SIPA1L2: variants seen among roughly 807,000 people sequenced by gnomAD.
The protein encoded by SIPA1L2 is signal-induced proliferation-associated 1-like protein 2.
In SIPA1L2, 56 loss-of-function variants were observed where a neutral mutation model predicts 163.9. That is an observed-to-expected ratio of 0.34 (90% CI 0.28 to 0.43). The LOEUF (loss-of-function observed/expected upper bound fraction) is 0.43, where lower values mean the gene tolerates loss of function less well. Among genes scored for constraint, SIPA1L2 ranks in the 20% least tolerant of loss-of-function variants. The probability of loss-of-function intolerance (pLI) is 1.00; values close to 1 mark genes in which losing one functional copy is unlikely to be tolerated. For missense variants in SIPA1L2, 1,974 were observed against 2,193.5 expected (o/e 0.90, Z 2.00); for synonymous variants, 877 against 865.7 (o/e 1.01, Z -0.23).
intron 3 of SIPA1L2, among the ~76,000 whole-genome samples, chr1:232,499,222 C>T (rs368808027): frequency 5.0e-4 from 76 of 152,194 alleles, no homozygotes; most frequent in African/African-American, 1.8e-3. Context: ...AAGCTAAAAA[C>T]GATTACGCTT....
chr1:232,583,467 CAGCCTGA>C lies in SIPA1L2; in HGVS notation c.-318-9252_-318-9246del, dbSNP rs1660491563. Among the ~76,000 whole-genome samples, 4 of 152,180 alleles carry C rather than the reference CAGCCTGA, an allele frequency of 2.6e-5. No homozygotes were observed. In the South Asian group the frequency reaches 8.3e-4, roughly 31 times the overall value. On this transcript the variant is annotated intron_variant, in intron 1 of 22. Transcript: ENST00000674635. The stretch of plus-strand genomic sequence containing the variant: ...TTATCTTAAGAGTTGAATAGTGATA[CAGCCTGA>C]AGACCATCCATGGTCAAATGGAGCA...
intron 4 of SIPA1L2, 115 bp downstream of exon 4, chr1:232,493,412 A>C: frequency 3.1e-6 from 4 of 1,291,012 alleles, no homozygotes; most frequent in Non-Finnish European, 4.3e-6. Context: ...TAAATGTTGC[A>C]ATCATTAACA....
At chr1:232,524,328 CA>C (rs1356095512) in intron 2 of SIPA1L2, among the ~76,000 whole-genome samples, 2 of 152,234 alleles carry the variant, frequency 1.3e-5, no homozygotes, top group African/African-American at 2.4e-5. Context: ...AAGCAAGTTA[CA>C]AAAGTCCATG....
At chr1:232,525,026 T>C (rs552831251) in intron 2 of SIPA1L2, among the ~76,000 whole-genome samples, 23 of 152,290 alleles carry the variant, frequency 1.5e-4, no homozygotes, top group African/African-American at 4.3e-4. Flanking sequence ...GAACATATAA[T>C]ATTCTTCCTT....
intron 2 of SIPA1L2, among the ~76,000 whole-genome samples, chr1:232,540,859 A>G (rs1227962283): frequency 6.6e-6 from 1 of 152,246 alleles, no homozygotes; most frequent in African/African-American, 2.4e-5. Flanking sequence ...CTATTAACTT[A>G]CAGAACACTC....
rs570820924 is a variant in SIPA1L2, at chr1:232,399,062, CAT to C, written c.*63_*64del. ...TGGTTGAAAGCACACAGAAAAACCACATGTTTGTGACTTCAAAGGGACAAGGG... is the reference window on the plus strand; with the variant it reads ...TGGTTGAAAGCACACAGAAAAACCACGTTTGTGACTTCAAAGGGACAAGGG... On this transcript the variant is annotated 3_prime_UTR_variant, in exon 23 of 23. Coordinates refer to ENST00000674635, the MANE Select transcript of SIPA1L2 (RefSeq NM_020808.5). The C allele has an allele frequency of 1.1e-3, 1,734 of 1,604,676 alleles. 13 individuals are homozygous for C. The highest frequency in any genetic ancestry group is 9.0e-3 in the South Asian group (815 of 90,096).
intron 1 of SIPA1L2, among the ~76,000 whole-genome samples, chr1:232,623,063 G>A (rs950598825): frequency 6.6e-6 from 1 of 152,186 alleles, no homozygotes; most frequent in African/African-American, 2.4e-5. Flanking sequence ...AGGATGGGTG[G>A]GGGTGGATGG....
intron 1 of SIPA1L2, among the ~76,000 whole-genome samples, chr1:232,606,905 C>T (rs1007933059): frequency 1.3e-5 from 2 of 151,838 alleles, no homozygotes; most frequent in Non-Finnish European, 2.9e-5. Context: ...ATCTAATAAA[C>T]ATTTGCTAAT....
intron 9 of SIPA1L2, among the ~76,000 whole-genome samples, chr1:232,462,881 C>A (rs935011477): frequency 6.6e-6 from 1 of 152,164 alleles, no homozygotes; most frequent in Non-Finnish European, 1.5e-5. Context: ...ACCTCCCCTA[C>A]TTTGTCTTTT....
chr1:232,563,955 T>TTTGTGTGTG lies in SIPA1L2; in HGVS notation c.-270+10218_-270+10219insCACACACAA, dbSNP rs1558270699. Among the ~76,000 whole-genome samples the TTTGTGTGTG allele has an allele frequency of 3.7e-3, 434 of 116,752 alleles. 15 individuals are homozygous for TTTGTGTGTG. Among genetic ancestry groups the TTTGTGTGTG allele is most frequent in the African/African-American group, 0.016 (413 of 25,154 alleles). 76.6% of individuals were successfully genotyped at this position (116,752 alleles called of 152,430 possible). On this transcript the variant is annotated intron_variant, in intron 2 of 22. Coordinates refer to ENST00000674635, the MANE Select transcript of SIPA1L2 (RefSeq NM_020808.5). ...AACGACAAAGGTTTGTTTTTTTTTT[T>TTTGTGTGTG]CGTGTGTGTGTGTGTGTGTGTGTGT...
chr1:232,576,470 C>G (rs570547761), intron 1 of SIPA1L2, among the ~76,000 whole-genome samples: 3 of 151,374 alleles, frequency 2.0e-5, no homozygotes, highest in Non-Finnish European at 4.4e-5. Context: ...ATGGCTCCAC[C>G]GACCAGCCTC....
intron 2 of SIPA1L2, among the ~76,000 whole-genome samples, chr1:232,561,231 C>T (rs536582056): frequency 6.6e-6 from 1 of 152,316 alleles, no homozygotes; most frequent in African/African-American, 2.4e-5. Flanking sequence ...CAACTATCTT[C>T]CCAACTCCTT....
At chr1:232,628,187 T>C (rs551292470) in intron 1 of SIPA1L2, among the ~76,000 whole-genome samples, 14 of 152,300 alleles carry the variant, frequency 9.2e-5, no homozygotes, top group African/African-American at 1.9e-4. Flanking sequence ...CTACGGGCTA[T>C]TGTGCTTGTC....
chr1:232,629,536 C>G (rs926183711), intron 1 of SIPA1L2, among the ~76,000 whole-genome samples: 2 of 152,216 alleles, frequency 1.3e-5, no homozygotes, highest in Non-Finnish European at 2.9e-5. Flanking sequence ...GAGCGTTAGT[C>G]AGAGCGAAGT....
intron 17 of SIPA1L2, among the ~76,000 whole-genome samples, chr1:232,427,879 T>C (rs12032811): frequency 0.066 from 9,974 of 152,192 alleles, 805 homozygotes; most frequent in East Asian, 0.41. Flanking sequence ...TAACTCCAGT[T>C]CAGTTCTGGA....
rs372305640 is a variant in SIPA1L2, at chr1:232,621,279, A to G, written c.-319+8590T>C. Among the ~76,000 whole-genome samples the G allele has an allele frequency of 7.9e-5, 12 of 152,210 alleles. No individual in the cohort carries two copies. In the East Asian group the frequency reaches 2.3e-3, roughly 29 times the overall value. On this transcript the variant is annotated intron_variant, in intron 1 of 22. Transcript: ENST00000674635. ...ACCAGAACAATGAGCTCATTAGCCC[A>G]ACCCTCAGCCTCCACTTCCCCCTTT...
Position 232,493,481 on chromosome 1 carries a change from G to A in SIPA1L2, c.1617+46C>T, listed in dbSNP as rs1242701262. 3.1e-6 allele frequency: 5 copies of A among 1,609,400 alleles called. No individual in the cohort carries two copies. In the African/African-American group the frequency reaches 5.4e-5, roughly 17 times the overall value. On this transcript the variant is annotated intron_variant, in intron 4 of 22. Transcript: ENST00000674635. ...ACAAACTGAAGCAGTAACACCAAAGGAGGTTTAGACTTTAGCCCAATAACT... is the reference window on the plus strand; with the variant it reads ...ACAAACTGAAGCAGTAACACCAAAGAAGGTTTAGACTTTAGCCCAATAACT...
chr1:232,398,219 G>T lies in SIPA1L2; in HGVS notation c.*908C>A, dbSNP rs548813130. The T allele has an allele frequency of 3.3e-5, 5 of 152,568 alleles. No individual in the cohort carries two copies. The highest frequency in any genetic ancestry group is 5.9e-5 in the Non-Finnish European group (4 of 68,026). 9.5% of individuals were successfully genotyped at this position (152,568 alleles called of 1,614,324 possible). On this transcript the variant is annotated 3_prime_UTR_variant, in exon 23 of 23. Coordinates refer to ENST00000674635, the MANE Select transcript of SIPA1L2 (RefSeq NM_020808.5). ...AAATTAACAATTTAAGGTTAAATAA[G>T]CTTAAATAAGGGTGTTAAATACAAG...
intron 18 of SIPA1L2, chr1:232,415,908 GAGTC>G (rs747418699): frequency 0.049 from 4,834 of 99,094 alleles, 1,016 homozygotes; most frequent in Admixed American, 0.11. Flanking sequence ...GTCCCTCCCA[GAGTC>G]AGTCAGTCAG....
Sources: gnomAD v4.1 joint callset for allele counts (sites outside exome capture counted in the v4.1 genomes callset) on GRCh38, gnomAD v4.1.1 for gene constraint, MANE v1.5 for transcripts, NCBI Gene and HGNC (gene_info 2026-07-23, HGNC 2026-07-21) for gene names.